The following TBC1D5 variants were observed in gnomAD, a reference collection of about 807,000 sequenced individuals.
TBC1D5 encodes TBC1 domain family, member 5.
In TBC1D5, 75 loss-of-function variants were observed where a neutral mutation model predicts 100.3. The ratio of observed to expected loss-of-function variants is 0.75; its 90% CI spans 0.62 to 0.91. The LOEUF is 0.91. TBC1D5 is among the 40% of genes least tolerant of loss of function. TBC1D5 has a pLI of 0.00. For synonymous variants in TBC1D5, 323 were observed against 325.6 expected (o/e 0.99, Z 0.09); for missense variants, 910 against 942.4 (o/e 0.97, Z 0.45).
At chr3:17,587,156 C>T (rs909605995) in intron 2 of TBC1D5, among the ~76,000 whole-genome samples, 1 of 151,748 alleles carries the variant, frequency 6.6e-6, no homozygotes, top group Admixed American at 6.6e-5. Context: ...AGTAATACAC[C>T]TCCATAAATA....
intron 2 of TBC1D5, among the ~76,000 whole-genome samples, chr3:17,514,712 G>T (rs2095960541): frequency 6.6e-6 from 1 of 152,132 alleles, no homozygotes; most frequent in Non-Finnish European, 1.5e-5. Flanking sequence ...TCATGAGAAA[G>T]TGACACTTGT....
chr3:17,663,127 T>C (rs1218972117), intron 1 of TBC1D5: 2 of 152,074 alleles, frequency 1.3e-5, no homozygotes, highest in African/African-American at 2.4e-5. Flanking sequence ...AGCCAATACA[T>C]AGAAAATACA....
chr3:17,469,552 T>C (rs2095349258), intron 3 of TBC1D5, among the ~76,000 whole-genome samples: 1 of 151,914 alleles, frequency 6.6e-6, no homozygotes. Context: ...TACAAAGTTA[T>C]TGAAACTTTT....
At chr3:17,415,551 T>C (rs2094045605) in intron 4 of TBC1D5, among the ~76,000 whole-genome samples, 2 of 152,080 alleles carry the variant, frequency 1.3e-5, no homozygotes, top group African/African-American at 4.8e-5. Flanking sequence ...TTAAAGTAGG[T>C]AAACTCAATA....
chr3:17,263,757 A>C (rs769674704), intron 15 of TBC1D5, among the ~76,000 whole-genome samples: 1 of 152,248 alleles, frequency 6.6e-6, no homozygotes, highest in Non-Finnish European at 1.5e-5. Context: ...AGAAGAAACA[A>C]TATGCAAATA....
At chr3:17,485,695 T>C (rs942411046) in intron 3 of TBC1D5, among the ~76,000 whole-genome samples, 2 of 152,148 alleles carry the variant, frequency 1.3e-5, no homozygotes, top group Non-Finnish European at 2.9e-5. Context: ...GGCTGCATAG[T>C]ATTCCATGAT....
intron 12 of TBC1D5, 34 bp downstream of exon 12, chr3:17,374,437 C>A: frequency 1.3e-6 from 2 of 1,585,264 alleles, no homozygotes; most frequent in African/African-American, 1.4e-5. Context: ...TGCTCCATAG[C>A]ATATACTGAA....
intron 13 of TBC1D5, among the ~76,000 whole-genome samples, chr3:17,318,082 A>G (rs535014420): frequency 1.3e-5 from 2 of 152,254 alleles, no homozygotes; most frequent in East Asian, 1.9e-4. Flanking sequence ...TCGTAGGGAC[A>G]GGGATGAAAC....
At chr3:17,542,418 A>G (rs947033065) in intron 2 of TBC1D5, among the ~76,000 whole-genome samples, 1 of 152,214 alleles carries the variant, frequency 6.6e-6, no homozygotes, top group African/African-American at 2.4e-5. Context: ...GGGTCTGGCT[A>G]TGTTGTCCAG....
At chr3:17,272,612 G>A (rs966743485) in intron 15 of TBC1D5, among the ~76,000 whole-genome samples, 3 of 152,140 alleles carry the variant, frequency 2.0e-5, no homozygotes, top group African/African-American at 7.2e-5. Flanking sequence ...AAAGAGGTTC[G>A]GAATAATTAG....
At chr3:17,160,816 G>C in exon 22 of TBC1D5, 1 of 1,033,374 alleles carries the variant, frequency 9.7e-7, no homozygotes, top group East Asian at 2.6e-5. Flanking sequence ...TTCTCTCTAA[G>C]GGGTTTCAAA....
At chr3:17,477,737 G>C (rs1271808218) in intron 3 of TBC1D5, among the ~76,000 whole-genome samples, 1 of 151,946 alleles carries the variant, frequency 6.6e-6, no homozygotes. Context: ...AAAGCAATGT[G>C]TATACACATT....
intron 3 of TBC1D5, among the ~76,000 whole-genome samples, chr3:17,499,112 C>CA (rs2095752073): frequency 6.6e-6 from 1 of 152,108 alleles, no homozygotes; most frequent in Non-Finnish European, 1.5e-5. Context: ...CTTGGATATT[C>CA]AAGTCTTCCC....
chr3:17,616,379 A>G (rs572121536), intron 2 of TBC1D5, among the ~76,000 whole-genome samples: 2 of 151,826 alleles, frequency 1.3e-5, no homozygotes, highest in African/African-American at 2.4e-5. Context: ...GTTGGGGTGG[A>G]GACTTCTATT....
chr3:17,373,886 T>C (rs1262623322), intron 12 of TBC1D5, among the ~76,000 whole-genome samples: 1 of 152,040 alleles, frequency 6.6e-6, no homozygotes, highest in African/African-American at 2.4e-5. Flanking sequence ...GGACATGCAG[T>C]TTTCTTTTTG....
intron 3 of TBC1D5, among the ~76,000 whole-genome samples, chr3:17,445,169 A>G (rs1330595075): frequency 6.6e-6 from 1 of 152,186 alleles, no homozygotes; most frequent in Non-Finnish European, 1.5e-5. Flanking sequence ...TTCAAGTGCT[A>G]AGGGCATATT....
At chr3:17,630,348 CA>C (rs917074790) in intron 1 of TBC1D5, among the ~76,000 whole-genome samples, 27 of 152,152 alleles carry the variant, frequency 1.8e-4, no homozygotes, top group African/African-American at 5.8e-4. Flanking sequence ...ATATTTTTTC[CA>C]ACAGTATGTG....
chr3:17,160,145 A>C (rs1298623309), exon 22 of TBC1D5: 1 of 152,218 alleles, frequency 6.6e-6, no homozygotes, highest in Non-Finnish European at 1.5e-5. Context: ...AGTGCAGCTA[A>C]AACTGGCTTA....
chr3:17,608,084 C>T (rs184229343), intron 2 of TBC1D5, among the ~76,000 whole-genome samples: 2 of 152,210 alleles, frequency 1.3e-5, no homozygotes, highest in Non-Finnish European at 2.9e-5. Context: ...TTGCGAAACC[C>T]CGTCTCTACT....
Sources: gnomAD v4.1 joint callset for allele counts (sites outside exome capture counted in the v4.1 genomes callset) on GRCh38, gnomAD v4.1.1 for gene constraint, MANE v1.5 for transcripts, NCBI Gene and HGNC (gene_info 2026-07-23, HGNC 2026-07-21) for gene names.